Variants in PPFIA4 observed in about 807,000 individuals in gnomAD.
The protein encoded by PPFIA4 is liprin-alpha-4.
Under a neutral mutation model 145.7 loss-of-function variants are expected in PPFIA4, and 98 were observed. That is an observed-to-expected ratio of 0.67 (90% confidence interval 0.57 to 0.80). PPFIA4 has a LOEUF of 0.80. PPFIA4 is among the 30% of genes least tolerant of loss of function. PPFIA4 has a pLI of 0.00. For missense variants in PPFIA4, 1,457 were observed against 1,632.7 expected (o/e 0.89, Z 1.85); for synonymous variants, 628 against 649.6 (o/e 0.97, Z 0.51).
intron 1 of PPFIA4, chr1:203,034,741 C>T (rs1175366126): frequency 1.1e-5 from 5 of 456,126 alleles, no homozygotes; most frequent in African/African-American, 2.0e-5. Context: ...CAGGGAAGGC[C>T]GAGGGGAGCT....
intron 5 of PPFIA4, 34 bp downstream of exon 5, chr1:203,044,487 C>T (rs967688979): frequency 1.9e-6 from 3 of 1,542,078 alleles, no homozygotes; most frequent in Non-Finnish European, 2.6e-6. Flanking sequence ...TCTGCAGCTC[C>T]TGGAAGTCCA....
rs199570318 is a variant in PPFIA4 at position 203,055,968 on chromosome 1, CTT to C, written c.2071-139_2071-138del. On this transcript the variant is annotated intron_variant, in intron 16 of 29. Coordinates refer to ENST00000295706, the MANE Select transcript of PPFIA4 (RefSeq NM_001304331.2). This position sits in a 1 kb window ranked among gnomAD's most constrained non-coding sequence, Gnocchi z 4.8. The stretch of plus-strand genomic sequence containing the variant: ...GCCCTGGCTTGTTTTTCTAGGCCAG[CTT>C]TTTTTTTTTTTTCTGGCGTGATATT... Among the ~76,000 whole-genome samples, 19 of 145,990 alleles carry C rather than the reference CTT, an allele frequency of 1.3e-4. No homozygotes were observed. Among genetic ancestry groups the C allele is most frequent in the South Asian group, 2.2e-4 (1 of 4,622 alleles).
chr1:203,061,694 C>T lies in PPFIA4; in HGVS notation c.2874+16C>T. On this transcript the variant is annotated intron_variant, in intron 24 of 29. Transcript: ENST00000295706. Reference sequence around the variant, plus strand: ...CTGGGCTCAGGTAAGACTCCCTACCCTGTCTAGAACCAGCTCCCAAAACTT... The same window carrying T: ...CTGGGCTCAGGTAAGACTCCCTACCTTGTCTAGAACCAGCTCCCAAAACTT... 1 of 1,561,374 alleles carries T rather than the reference C, an allele frequency of 6.4e-7. No individual in the cohort carries two copies. The highest frequency in any genetic ancestry group is 8.7e-7 in the Non-Finnish European group (1 of 1,152,586).
Position 203,048,865 on chromosome 1 carries a change from G to A in PPFIA4, c.1357-53G>A. On this transcript the variant is annotated intron_variant, in intron 11 of 29. Transcript: ENST00000295706. The surrounding 1 kb of genome is among the most constrained non-coding windows in gnomAD (Gnocchi z 5.8). ...TGAGACTGCACACCCAGAGGCTCAG[G>A]TCTGGAATGGGAGAGGAAGGCAGGG... is the stretch of plus-strand genomic sequence containing the variant. 1 of 1,542,548 alleles carries A rather than the reference G, an allele frequency of 6.5e-7. No individual in the cohort carries two copies.
chr1:203,051,322 C>G (rs1660487686), intron 13 of PPFIA4: 1 of 988,272 alleles, frequency 1.0e-6, no homozygotes, highest in Non-Finnish European at 1.2e-6. Context: ...GGTAGAAGAC[C>G]AAAAAACAAA....
intron 20 of PPFIA4, among the ~76,000 whole-genome samples, 184 bp from the exon 21 acceptor site, chr1:203,059,586 G>C (rs1366540127): frequency 6.6e-6 from 1 of 152,082 alleles, no homozygotes; most frequent in Non-Finnish European, 1.5e-5. Context: ...GGGTGGTCAG[G>C]TGTTCCTGCC....
intron 1 of PPFIA4, among the ~76,000 whole-genome samples, chr1:203,032,426 C>CTTTTTTTTTTTTTT (rs67178955): frequency 0.02 from 1,200 of 59,374 alleles, 53 homozygotes; most frequent in South Asian, 0.1. Context: ...CCCTTCCCCG[C>CTTTTTTTTTTTTTT]TTTTTTGTTG....
At chr1:203,042,296 G>T (rs114157783) in intron 2 of PPFIA4, among the ~76,000 whole-genome samples, 1 of 152,190 alleles carries the variant, frequency 6.6e-6, no homozygotes. Context: ...GATGGGGGAG[G>T]GTGGGCTGGC....
intron 19 of PPFIA4, among the ~76,000 whole-genome samples, chr1:203,058,226 C>A (rs11806388): frequency 0.62 from 94,641 of 151,668 alleles, 29,666 homozygotes; most frequent in African/African-American, 0.66. Flanking sequence ...GGAGAGCACG[C>A]GAGGAGGAGG....
rs1283502684 is a variant in PPFIA4, at chr1:203,045,569, G to A, written c.858+10G>A. On this transcript the variant is annotated intron_variant, in intron 7 of 29. Transcript: ENST00000295706. ...GCGGGACCTCCGGGAGGTGCGTGAG[G>A]GCGCAGGCCTGCTCTGTGACCTCAT... 1 of 1,568,722 alleles carries A rather than the reference G, an allele frequency of 6.4e-7. No individual in the cohort carries two copies. The highest frequency in any genetic ancestry group is 8.6e-7 in the Non-Finnish European group (1 of 1,157,814).
At chr1:203,040,317 G>C (rs1659610746) in intron 2 of PPFIA4, among the ~76,000 whole-genome samples, 1 of 152,228 alleles carries the variant, frequency 6.6e-6, no homozygotes, top group South Asian at 2.1e-4. Flanking sequence ...CCCAGTGGGG[G>C]CGCTGCTGGG....
rs572018840 is a variant in PPFIA4 at position 203,076,495 on chromosome 1, G to A, written c.*105G>A. 1.3e-3 allele frequency: 1,481 copies of A among 1,184,534 alleles called. 3 individuals are homozygous for A. Among genetic ancestry groups the A allele is most frequent in the Non-Finnish European group, 1.7e-3 (1,355 of 810,882 alleles). 73.4% of individuals were successfully genotyped at this position (1,184,534 alleles called of 1,614,324 possible). ...CCTTCCGCAGCTCCTAGTCTCGTCC[G>A]TGACTTTCCGGTTGCCCTGGATCTC... On this transcript the variant is annotated 3_prime_UTR_variant, in exon 30 of 30. Transcript: ENST00000295706.
At chr1:203,057,860 G>A (rs909220666) in intron 19 of PPFIA4, among the ~76,000 whole-genome samples, 7 of 152,278 alleles carry the variant, frequency 4.6e-5, no homozygotes, top group Admixed American at 3.3e-4. Context: ...GGAATTAGCC[G>A]AGCCAGGGAG....
In PPFIA4 at chr1:203,060,402, A is replaced by G; in HGVS notation, c.2769A>G (p.Pro923=). Residue 923 remains proline, a synonymous_variant, in exon 22 of 30, where the codon CCA becomes CCG. Coordinates refer to ENST00000295706, the MANE Select transcript of PPFIA4 (RefSeq NM_001304331.2). This position sits in a 1 kb window ranked among gnomAD's most constrained non-coding sequence, Gnocchi z 4.8. Reference sequence around the variant, plus strand: ...TGTCATTGACCAGCCCCTCTGCCCCACCCACCTCCAGGACTGTGAGTGGCC... The same window carrying G: ...TGTCATTGACCAGCCCCTCTGCCCCGCCCACCTCCAGGACTGTGAGTGGCC... The part of the protein sequence containing the change: ...EMVSLTSPSA[P]PTSRTSSGNV... The G allele has an allele frequency of 2.5e-6, 4 of 1,613,128 alleles. No homozygotes were observed. The highest frequency in any genetic ancestry group is 3.4e-6 in the Non-Finnish European group (4 of 1,179,844).
intron 27 of PPFIA4, 133 bp from the exon 28 acceptor site, chr1:203,071,559 G>A (rs1195279919): frequency 1.5e-6 from 1 of 667,330 alleles, no homozygotes; most frequent in Non-Finnish European, 2.7e-6. Flanking sequence ...GGTGTGTAAA[G>A]GCCTCTAATG....
In PPFIA4 at chr1:203,067,775, G is replaced by C. The variant is rs770604076; in HGVS notation, c.3131G>C (p.Ser1044Thr). The C allele has an allele frequency of 6.2e-7, 1 of 1,613,766 alleles. No individual in the cohort carries two copies. The highest frequency in any genetic ancestry group is 8.5e-7 in the Non-Finnish European group (1 of 1,179,852). The change falls in exon 26 of 30, where the codon AGC (serine) becomes ACC (threonine). Residue 1044 changes from serine (S) to threonine (T), a missense_variant. By Grantham distance (58) the Ser-to-Thr change is moderately conservative. Around this residue, in one of 3 missense-constraint regions of PPFIA4, gnomAD observed 848 missense variants for 1,046.7 expected, o/e 0.81. Transcript: ENST00000295706. ...GAGCTGGAGAAGAGGCGAGAGGAGA[G>C]CCAGCATGAGATCAAGGGTAAGCTC... ...RKELEKRREE[S>T]QHEIKDVLVW...
Position 203,048,231 on chromosome 1 carries a change from A to C in PPFIA4, c.1145A>C (p.Glu382Ala). The change falls in exon 10 of 30, where the codon GAA becomes GCA. Residue 382 changes from glutamate (E) to alanine (A), a missense_variant. By Grantham distance (107) the Glu-to-Ala change is moderately radical. Around this residue, in one of 3 missense-constraint regions of PPFIA4, gnomAD observed 848 missense variants for 1,046.7 expected, o/e 0.81. Transcript: ENST00000295706. This position sits in a 1 kb window ranked among gnomAD's most constrained non-coding sequence, Gnocchi z 5.8. ...AQRIAALTKA[E>A]ERHGNIEEHL... ...CCGACCCATCCCTGCCCCTAGGCTG[A>C]AGAACGGCATGGCAACATTGAGGAG... 6.2e-7 allele frequency: 1 copy of C among 1,612,796 alleles called. No homozygotes were observed. Among genetic ancestry groups the C allele is most frequent in the Non-Finnish European group, 8.5e-7 (1 of 1,179,852 alleles).
chr1:203,072,887 C>A (rs1388184507), intron 28 of PPFIA4, among the ~76,000 whole-genome samples: 6 of 150,542 alleles, frequency 4.0e-5, no homozygotes, highest in Non-Finnish European at 8.9e-5. Flanking sequence ...AAACTGGCAG[C>A]CCCCCCTCCC....
At chr1:203,072,881 TG>T (rs1474102119) in intron 28 of PPFIA4, among the ~76,000 whole-genome samples, 1 of 152,090 alleles carries the variant, frequency 6.6e-6, no homozygotes, top group African/African-American at 2.4e-5. Context: ...GGGGCTAAAC[TG>T]GCAGCCCCCC....
Sources: allele counts gnomAD v4.1 joint callset (sites outside exome capture counted in the v4.1 genomes callset), GRCh38; gene constraint gnomAD v4.1.1; regional missense constraint gnomAD v4.1.1; non-coding constraint Gnocchi (gnomAD v3.1); transcripts MANE v1.5; gene names NCBI Gene and HGNC (gene_info 2026-07-23, HGNC 2026-07-21).